XIRP2: variants seen among roughly 807,000 people sequenced by gnomAD.
The protein encoded by XIRP2 is xin actin-binding repeat-containing protein 2.
A neutral mutation model predicts 277.0 loss-of-function variants in XIRP2; 236 were observed. That is an observed-to-expected ratio of 0.85 (90% CI 0.77 to 0.95). XIRP2 has a LOEUF of 0.95. Among genes scored for constraint, XIRP2 ranks in the 40% least tolerant of loss-of-function variants. The probability of loss-of-function intolerance (pLI) is 0.00; values close to 1 mark genes in which losing one functional copy is unlikely to be tolerated. For synonymous variants in XIRP2, 1,490 were observed against 1,416.5 expected (o/e 1.05, Z -1.17); for missense variants, 4,640 against 4,157.5 (o/e 1.12, Z -3.19).
chr2:167,023,466 C>T (rs1688048140), intron 2 of XIRP2, among the ~76,000 whole-genome samples: 1 of 151,722 alleles, frequency 6.6e-6, no homozygotes, highest in Non-Finnish European at 1.5e-5. Flanking sequence ...TTAATTAGAT[C>T]CCATTTGTCA....
At chr2:166,950,776 T>G (rs1040710820) in intron 2 of XIRP2, among the ~76,000 whole-genome samples, 2 of 152,090 alleles carry the variant, frequency 1.3e-5, no homozygotes, top group African/African-American at 2.4e-5. Flanking sequence ...TTCTTCTTGT[T>G]GTTATGGTGA....
intron 2 of XIRP2, among the ~76,000 whole-genome samples, chr2:166,949,386 G>A (rs1574106881): frequency 6.6e-6 from 1 of 152,130 alleles, no homozygotes; most frequent in East Asian, 1.9e-4. Flanking sequence ...CTTATGAAGT[G>A]TTATAGTAGT....
intron 3 of XIRP2, among the ~76,000 whole-genome samples, chr2:167,137,564 TCTC>T (rs1321059334): frequency 1.3e-5 from 2 of 152,166 alleles, no homozygotes; most frequent in African/African-American, 4.8e-5. Flanking sequence ...ACATCTTACT[TCTC>T]CTCATCTGTG....
rs564702018 is a variant in XIRP2 at position 167,098,365 on chromosome 2, T to C, written c.409-37544T>C. On this transcript the variant is annotated intron_variant, in intron 2 of 10. Coordinates refer to ENST00000409195, the MANE Select transcript of XIRP2 (RefSeq NM_152381.6). Reference sequence around the variant, plus strand: ...GCTATTGATTCTTGTGTATACTTCATGAAGTTCTCGTTCTGTGTTTTTCAG... The same window carrying C: ...GCTATTGATTCTTGTGTATACTTCACGAAGTTCTCGTTCTGTGTTTTTCAG... 5.6e-4 allele frequency among the ~76,000 whole-genome samples: 85 copies of C among 152,324 alleles called. No individual in the cohort carries two copies. The Middle Eastern group carries it at 0.034, about 61-fold the overall frequency.
At chr2:166,956,383 T>A (rs1314804906) in intron 2 of XIRP2, among the ~76,000 whole-genome samples, 1 of 151,844 alleles carries the variant, frequency 6.6e-6, no homozygotes, top group African/African-American at 2.4e-5. Context: ...CTGGTGTCAT[T>A]TAACTAAGTT....
Position 167,249,388 on chromosome 2 carries a change from A to T in XIRP2, c.7996A>T (p.Ile2666Phe), listed in dbSNP as rs199555889. 6.2e-7 allele frequency: 1 copy of T among 1,613,762 alleles called. No individual in the cohort carries two copies. Residue 2666 changes from isoleucine to phenylalanine, a missense_variant, in exon 9 of 11, where the codon ATT (isoleucine) becomes TTT (phenylalanine). Physicochemically the swap from Ile to Phe is conservative, Grantham distance 21 (BLOSUM62 0). Coordinates refer to ENST00000409195, the MANE Select transcript of XIRP2 (RefSeq NM_152381.6). ...KKEVLQSSRDIMQSKSACEIK... is the reference protein window; with the variant it reads ...KKEVLQSSRDFMQSKSACEIK... ...GGAAGTTTTACAAAGCTCAAGGGAC[A>T]TTATGCAATCCAAATCAGCTTGCGA...
chr2:166,921,312 CTT>C (rs925509512), intron 2 of XIRP2, among the ~76,000 whole-genome samples: 1 of 152,056 alleles, frequency 6.6e-6, no homozygotes, highest in African/African-American at 2.4e-5. Flanking sequence ...TCGTTGTACT[CTT>C]TTTCATTCCC....
At chr2:167,041,349 G>T (rs888437549) in intron 2 of XIRP2, among the ~76,000 whole-genome samples, 4 of 152,142 alleles carry the variant, frequency 2.6e-5, no homozygotes, top group African/African-American at 9.7e-5. Flanking sequence ...GACAGACATA[G>T]AATCCAGAAT....
At chr2:167,059,267 CTATTTTTT>C (rs1186841327) in intron 2 of XIRP2, among the ~76,000 whole-genome samples, 1 of 151,080 alleles carries the variant, frequency 6.6e-6, no homozygotes, top group African/African-American at 2.4e-5. Context: ...CCATGCGTGG[CTATTTTTT>C]TATTTTTTTA....
chr2:166,969,475 A>T (rs1686517047), intron 2 of XIRP2, among the ~76,000 whole-genome samples: 1 of 152,000 alleles, frequency 6.6e-6, no homozygotes, highest in African/African-American at 2.4e-5. Flanking sequence ...ATCTATTAAA[A>T]TAATTCCAAA....
intron 3 of XIRP2, among the ~76,000 whole-genome samples, chr2:167,141,550 G>A (rs1691718512): frequency 6.6e-6 from 1 of 152,172 alleles, no homozygotes; most frequent in Admixed American, 6.5e-5. Context: ...TAATTAGGAT[G>A]ATGAGAATCA....
chr2:167,021,044 T>A (rs193188034), intron 2 of XIRP2, among the ~76,000 whole-genome samples: 1 of 152,192 alleles, frequency 6.6e-6, no homozygotes, highest in Admixed American at 6.6e-5. Flanking sequence ...GAGTCTTGGT[T>A]CTCATCCCTG....
At chr2:167,226,204 T>C (rs1475946278) in intron 5 of XIRP2, among the ~76,000 whole-genome samples, 1 of 152,180 alleles carries the variant, frequency 6.6e-6, no homozygotes, top group Non-Finnish European at 1.5e-5. Context: ...GGAATTGACT[T>C]TTTTTCACTA....
At chr2:167,241,373 C>A (rs1695059267) in intron 7 of XIRP2, among the ~76,000 whole-genome samples, 1 of 152,066 alleles carries the variant, frequency 6.6e-6, no homozygotes, top group East Asian at 1.9e-4. Context: ...TTATTTTTTC[C>A]TGAGCATAAA....
chr2:167,184,796 C>T (rs1693111409), intron 3 of XIRP2, among the ~76,000 whole-genome samples: 3 of 152,094 alleles, frequency 2.0e-5, no homozygotes, highest in Non-Finnish European at 4.4e-5. Flanking sequence ...CATCATCCCA[C>T]TAGAAGAACT....
intron 3 of XIRP2, among the ~76,000 whole-genome samples, chr2:167,209,211 T>G (rs1437597231): frequency 2.0e-5 from 3 of 152,218 alleles, no homozygotes; most frequent in African/African-American, 7.2e-5. Context: ...ACTATTTTAA[T>G]TACAATATAT....
Position 167,244,762 on chromosome 2 carries a change from G to A in XIRP2, c.3370G>A (p.Val1124Ile), listed in dbSNP as rs1379540110. The stretch of plus-strand genomic sequence containing the variant: ...CAGTGAAGAAATTCATAAGGGAGAT[G>A]TCAAAACTTGTACTTGGCTCTTTGA... ...TSSEEIHKGD[V>I]KTCTWLFETQ... Residue 1124 changes from valine (V) to isoleucine (I), a missense_variant, in exon 9 of 11, where the codon GTC becomes ATC. Physicochemically the swap from Val to Ile is conservative, Grantham distance 29 (BLOSUM62 3). Coordinates refer to ENST00000409195, the MANE Select transcript of XIRP2 (RefSeq NM_152381.6). The A allele has an allele frequency of 6.2e-7, 1 of 1,613,280 alleles. No individual in the cohort carries two copies. Among genetic ancestry groups the A allele is most frequent in the East Asian group, 2.2e-5 (1 of 44,848 alleles).
At chr2:166,938,584 A>T (rs1303504070) in intron 2 of XIRP2, among the ~76,000 whole-genome samples, 1 of 152,180 alleles carries the variant, frequency 6.6e-6, no homozygotes, top group Non-Finnish European at 1.5e-5. Context: ...GATTTGGGGT[A>T]GAAAGTTCTG....
At chr2:167,161,871 C>G (rs1420201161) in intron 3 of XIRP2, among the ~76,000 whole-genome samples, 3 of 152,182 alleles carry the variant, frequency 2.0e-5, no homozygotes, top group East Asian at 1.9e-4. Context: ...CTCTTATGCT[C>G]TGCTTCCCTT....
Sources: gnomAD v4.1 joint callset for allele counts (sites outside exome capture counted in the v4.1 genomes callset) on GRCh38, gnomAD v4.1.1 for gene constraint, MANE v1.5 for transcripts, NCBI Gene and HGNC (gene_info 2026-07-23, HGNC 2026-07-21) for gene names.